Variants in PCSK5 observed in about 807,000 individuals in gnomAD.
The protein encoded by PCSK5 is proprotein convertase subtilisin/kexin type 5, also known as prohormone convertase 5.
A neutral mutation model predicts 233.2 loss-of-function variants in PCSK5; 129 were observed. That is an observed-to-expected ratio of 0.55 (90% confidence interval 0.48 to 0.64). PCSK5 has a LOEUF of 0.64. Among genes scored for constraint, PCSK5 ranks in the 30% least tolerant of loss-of-function variants. The pLI is 0.00. For synonymous variants in PCSK5, 825 were observed against 879.2 expected (o/e 0.94, Z 1.09); for missense variants, 2,076 against 2,430.1 (o/e 0.85, Z 3.06).
At position 76,332,336 on chromosome 9, in the gene PCSK5, C is replaced by T; in HGVS notation, c.4571-97C>T. ...AGGATCATCCCATTCCTCCTGCAGC[C>T]CTCTCCTCCCTCCCGCCATGGTACA... On this transcript the variant is annotated intron_variant, in intron 33 of 37. Transcript: ENST00000674117. 3 of 804,480 alleles carry T rather than the reference C, an allele frequency of 3.7e-6. 1 individual carries two copies. The South Asian group carries it at 5.2e-5, about 14-fold the overall frequency. The allele number at this position is 804,480 out of a possible 1,614,324, so 49.8% of individuals were successfully genotyped here.
intron 24 of PCSK5, among the ~76,000 whole-genome samples, chr9:76,252,216 C>T (rs1221963249): frequency 2.6e-5 from 4 of 152,078 alleles, no homozygotes; most frequent in South Asian, 2.1e-4. Context: ...TGCAGTGAGC[C>T]GCGATCGCGT....
rs376701341 is a variant in PCSK5 at position 76,239,050 on chromosome 9, G to T, written c.2958G>T (p.Leu986=). 1 of 1,611,724 alleles carries T rather than the reference G, an allele frequency of 6.2e-7. No individual in the cohort carries two copies. The highest frequency in any genetic ancestry group is 8.5e-7 in the Non-Finnish European group (1 of 1,179,460). ...ATGCCACTGAGGGGAACACCTGCCT[G>T]CCCTGCCCAGACAACTGTGAGCTTT... The part of the protein sequence containing the change: ...GHYATEGNTC[L]PCPDNCELCH... The change falls in exon 23 of 38, where the codon CTG becomes CTT. Residue 986 remains leucine, a synonymous_variant. Coordinates refer to ENST00000674117, the MANE Select transcript of PCSK5 (RefSeq NM_001372043.1).
intron 24 of PCSK5, among the ~76,000 whole-genome samples, chr9:76,280,879 C>G (rs916216006): frequency 6.6e-6 from 1 of 151,458 alleles, no homozygotes; most frequent in East Asian, 1.9e-4. Flanking sequence ...AAAAGAGAAA[C>G]AGCCTTAGTG....
chr9:76,209,694 C>T (rs896578059), intron 20 of PCSK5, among the ~76,000 whole-genome samples: 3 of 151,898 alleles, frequency 2.0e-5, no homozygotes, highest in Non-Finnish European at 4.4e-5. Flanking sequence ...TACTCTTGAC[C>T]TTAAAGAGCA....
chr9:76,144,455 T>A (rs1177923670), intron 10 of PCSK5, among the ~76,000 whole-genome samples: 1 of 152,182 alleles, frequency 6.6e-6, no homozygotes, highest in Non-Finnish European at 1.5e-5. Context: ...TGTCTGATTG[T>A]TTGACAGAGC....
At chr9:76,187,764 T>C (rs1004505657) in intron 17 of PCSK5, among the ~76,000 whole-genome samples, 4 of 152,346 alleles carry the variant, frequency 2.6e-5, no homozygotes, top group Admixed American at 1.3e-4. Context: ...GAGAAAAATA[T>C]GCATTTCTCA....
intron 32 of PCSK5, among the ~76,000 whole-genome samples, chr9:76,324,406 T>C (rs369331370): frequency 7.2e-5 from 11 of 152,030 alleles, no homozygotes; most frequent in African/African-American, 2.4e-4. Context: ...AATTTTTGCA[T>C]TTTTAGTAGA....
At chr9:76,101,225 A>G (rs1209450669) in intron 8 of PCSK5, among the ~76,000 whole-genome samples, 1 of 152,204 alleles carries the variant, frequency 6.6e-6, no homozygotes, top group African/African-American at 2.4e-5. Context: ...TGCATAAATG[A>G]CTAGCAAACA....
At chr9:76,317,820 C>T (rs531300096) in intron 30 of PCSK5, among the ~76,000 whole-genome samples, 3 of 152,126 alleles carry the variant, frequency 2.0e-5, no homozygotes, top group Admixed American at 6.6e-5. Flanking sequence ...CTGGTAGTCC[C>T]GGTAGCCAGG....
At chr9:76,266,952 G>A (rs1228897036) in intron 24 of PCSK5, among the ~76,000 whole-genome samples, 2 of 152,180 alleles carry the variant, frequency 1.3e-5, no homozygotes, top group Non-Finnish European at 2.9e-5. Flanking sequence ...GCACAGATGA[G>A]CAGTTTCGGT....
chr9:76,286,182 G>C (rs954970809), intron 24 of PCSK5, among the ~76,000 whole-genome samples: 1 of 152,108 alleles, frequency 6.6e-6, no homozygotes, highest in African/African-American at 2.4e-5. Context: ...CATATGATTG[G>C]GTTGGTAATT....
At chr9:76,068,783 C>G (rs1385339045) in intron 6 of PCSK5, among the ~76,000 whole-genome samples, 2 of 152,230 alleles carry the variant, frequency 1.3e-5, no homozygotes, top group South Asian at 2.1e-4. Flanking sequence ...TCTATGGATC[C>G]TCATGATTTT....
intron 24 of PCSK5, among the ~76,000 whole-genome samples, chr9:76,255,698 G>A (rs529617438): frequency 2.0e-5 from 3 of 152,122 alleles, no homozygotes; most frequent in Admixed American, 6.5e-5. Context: ...AGCCTGGTGC[G>A]GTTACACGCA....
intron 19 of PCSK5, 150 bp from the exon 20 acceptor site, chr9:76,189,481 T>C: frequency 1.5e-6 from 1 of 648,014 alleles, no homozygotes; most frequent in South Asian, 1.9e-5. Context: ...TGTCTACCTG[T>C]GTCACCTAAC....
At chr9:76,210,048 G>C (rs1395335210) in intron 20 of PCSK5, among the ~76,000 whole-genome samples, 3 of 152,130 alleles carry the variant, frequency 2.0e-5, no homozygotes, top group African/African-American at 7.2e-5. Context: ...AAGTCTCTTG[G>C]AAACGCCAGA....
At chr9:76,352,274 G>A (rs908436853) in intron 36 of PCSK5, among the ~76,000 whole-genome samples, 2 of 152,156 alleles carry the variant, frequency 1.3e-5, no homozygotes, top group Non-Finnish European at 2.9e-5. Flanking sequence ...TGGTGGGAGT[G>A]TAGCAGTGAG....
chr9:75,896,294 C>T (rs1270462905), intron 1 of PCSK5, among the ~76,000 whole-genome samples: 3 of 152,108 alleles, frequency 2.0e-5, no homozygotes, highest in East Asian at 1.9e-4. Context: ...TTGGGGATTT[C>T]GGGGTCTATT....
intron 5 of PCSK5, among the ~76,000 whole-genome samples, chr9:76,050,842 A>G (rs1429051849): frequency 6.6e-6 from 1 of 152,090 alleles, no homozygotes; most frequent in African/African-American, 2.4e-5. Context: ...TATCTGGTTT[A>G]TGTCTTCACC....
At chr9:76,103,114 G>T (rs777455781) in intron 8 of PCSK5, among the ~76,000 whole-genome samples, 1 of 152,172 alleles carries the variant, frequency 6.6e-6, no homozygotes, top group Non-Finnish European at 1.5e-5. Context: ...GACACAAAAA[G>T]CTTTCTTTAG....
Sources: gnomAD v4.1 joint callset for allele counts (sites outside exome capture counted in the v4.1 genomes callset) on GRCh38, gnomAD v4.1.1 for gene constraint, MANE v1.5 for transcripts, NCBI Gene and HGNC (gene_info 2026-07-23, HGNC 2026-07-21) for gene names.